Variants in TANC2 observed in about 807,000 individuals in gnomAD.
TANC2 encodes tetratricopeptide repeat, ankyrin repeat and coiled-coil containing 2, also known as protein TANC2.
TANC2 carries 26 observed loss-of-function variants against 210.5 expected under a neutral mutation model. The ratio of observed to expected loss-of-function variants is 0.12; its 90% CI spans 0.09 to 0.17. TANC2 has a LOEUF of 0.17. Among genes scored for constraint, TANC2 ranks in the 10% least tolerant of loss-of-function variants. TANC2 has a pLI of 1.00. For synonymous variants in TANC2, 931 were observed against 967.1 expected (o/e 0.96, Z 0.69); for missense variants, 2,129 against 2,608.9 (o/e 0.82, Z 4.01).
intron 2 of TANC2, among the ~76,000 whole-genome samples, chr17:63,051,109 CCAT>C (rs1385869431): frequency 2.6e-5 from 4 of 152,072 alleles, no homozygotes; most frequent in African/African-American, 9.7e-5. Context: ...TGCATAATGC[CCAT>C]CATTTTCTTC....
intron 5 of TANC2, chr17:63,154,100 C>G (rs1449759319): frequency 6.6e-6 from 1 of 152,112 alleles, no homozygotes; most frequent in Admixed American, 6.6e-5. Flanking sequence ...GGGAAAAATA[C>G]AAGCAAACAG....
intron 4 of TANC2, among the ~76,000 whole-genome samples, chr17:63,141,289 C>A (rs1221453698): frequency 7.0e-6 from 1 of 143,828 alleles, no homozygotes; most frequent in Non-Finnish European, 1.5e-5. Context: ...TGCCTGTAAT[C>A]CCAGCACTTT....
rs2038516890 is a variant in TANC2 at position 63,122,327 on chromosome 17, A to G, written c.322+22970A>G. Among the ~76,000 whole-genome samples, 4 of 152,244 alleles carry G rather than the reference A, an allele frequency of 2.6e-5. 1 individual carries two copies. The South Asian group carries it at 8.3e-4, about 31-fold the overall frequency. On this transcript the variant is annotated intron_variant, in intron 4 of 27. Transcript: ENST00000689528. ...ACCATGTGGAACAAGTAAGTGTTCC[A>G]AGGAGCATGCTTTAGGAAATAACTG...
intron 3 of TANC2, among the ~76,000 whole-genome samples, chr17:63,075,262 A>G (rs1443704803): frequency 1.3e-5 from 2 of 152,186 alleles, no homozygotes; most frequent in Non-Finnish European, 2.9e-5. Context: ...TTAAGTATCA[A>G]ATATAGATGT....
intron 4 of TANC2, among the ~76,000 whole-genome samples, chr17:63,126,806 A>G (rs2145185619): frequency 6.6e-6 from 1 of 152,328 alleles, no homozygotes; most frequent in East Asian, 1.9e-4. Flanking sequence ...AACTGAGGCT[A>G]GAAGTAAGTA....
intron 21 of TANC2, among the ~76,000 whole-genome samples, chr17:63,411,261 A>G (rs965410236): frequency 6.6e-6 from 1 of 152,194 alleles, no homozygotes; most frequent in African/African-American, 2.4e-5. Flanking sequence ...ACAGGTATAG[A>G]GAGTAATTAG....
intron 12 of TANC2, among the ~76,000 whole-genome samples, chr17:63,348,763 T>C (rs969472677): frequency 9.2e-5 from 14 of 152,322 alleles, no homozygotes; most frequent in Admixed American, 5.9e-4. Flanking sequence ...GCTACTGATT[T>C]AAAGTACTAC....
chr17:63,300,057 T>C (rs112688999), intron 9 of TANC2, among the ~76,000 whole-genome samples: 2,416 of 152,338 alleles, frequency 0.016, 37 homozygotes, highest in Non-Finnish European at 0.019. Context: ...CCCTATTGTT[T>C]ATTTTTGTCA....
chr17:63,106,638 T>A (rs955906098), intron 4 of TANC2, among the ~76,000 whole-genome samples: 1 of 151,572 alleles, frequency 6.6e-6, no homozygotes, highest in Non-Finnish European at 1.5e-5. Flanking sequence ...CTGACTAAAG[T>A]TTGGTTAAGG....
chr17:63,310,073 A>G (rs1265526699), intron 9 of TANC2, among the ~76,000 whole-genome samples: 1 of 152,190 alleles, frequency 6.6e-6, no homozygotes, highest in East Asian at 1.9e-4. Context: ...ACTTTCAAAG[A>G]ACAACACTAA....
At chr17:63,051,563 C>G (rs1285520385) in intron 2 of TANC2, among the ~76,000 whole-genome samples, 1 of 152,168 alleles carries the variant, frequency 6.6e-6, no homozygotes, top group Non-Finnish European at 1.5e-5. Flanking sequence ...ATCCATGGAT[C>G]AGTCAAATAT....
At chr17:63,060,192 A>G (rs575922192) in intron 2 of TANC2, among the ~76,000 whole-genome samples, 1 of 152,306 alleles carries the variant, frequency 6.6e-6, no homozygotes, top group South Asian at 2.1e-4. Flanking sequence ...GAATATTACC[A>G]CCACCAATTA....
chr17:63,247,499 T>A (rs1364444662), intron 8 of TANC2, among the ~76,000 whole-genome samples: 3 of 145,948 alleles, frequency 2.1e-5, no homozygotes, highest in African/African-American at 7.8e-5. Context: ...AAAAAAAAAA[T>A]AGAAACAATT....
At chr17:63,068,027 C>G (rs376963233) in intron 2 of TANC2, among the ~76,000 whole-genome samples, 1 of 152,108 alleles carries the variant, frequency 6.6e-6, no homozygotes, top group African/African-American at 2.4e-5. Flanking sequence ...GATCAATCTG[C>G]TGAAGACTAA....
intron 9 of TANC2, among the ~76,000 whole-genome samples, chr17:63,297,808 G>T (rs1362201212): frequency 6.6e-6 from 1 of 152,052 alleles, no homozygotes; most frequent in African/African-American, 2.4e-5. Flanking sequence ...TGCAAATCAT[G>T]TATCTGATAA....
chr17:63,131,846 G>C lies in TANC2; in HGVS notation c.323-19424G>C, dbSNP rs926492446. Among the ~76,000 whole-genome samples the C allele has an allele frequency of 1.9e-4, 29 of 152,094 alleles. 3 individuals are homozygous for C. The highest frequency in any genetic ancestry group is 1.3e-3 in the Admixed American group (20 of 15,284). On this transcript the variant is annotated intron_variant, in intron 4 of 27. Transcript: ENST00000689528. Reference sequence around the variant, plus strand: ...ACTCGCCAGCCTACATGAGCTCCAGGGTTCCATCAAGATTTGAAAGCTATT... The same window carrying C: ...ACTCGCCAGCCTACATGAGCTCCAGCGTTCCATCAAGATTTGAAAGCTATT...
chr17:63,087,345 CT>C (rs1440293916), intron 3 of TANC2, among the ~76,000 whole-genome samples: 4 of 152,200 alleles, frequency 2.6e-5, no homozygotes, highest in Non-Finnish European at 5.9e-5. Context: ...CATCTAAGTA[CT>C]TTGGTAAGTT....
chr17:63,160,795 T>A (rs1344361422), intron 5 of TANC2, among the ~76,000 whole-genome samples: 1 of 152,224 alleles, frequency 6.6e-6, no homozygotes, highest in Non-Finnish European at 1.5e-5. Context: ...TCACCAATAC[T>A]ACATATTTTT....
intron 4 of TANC2, among the ~76,000 whole-genome samples, chr17:63,111,278 G>A (rs1423166094): frequency 6.6e-6 from 1 of 152,192 alleles, no homozygotes; most frequent in Non-Finnish European, 1.5e-5. Flanking sequence ...TAGCACCACT[G>A]ACAGAGTGAG....
Sources: allele counts gnomAD v4.1 joint callset (sites outside exome capture counted in the v4.1 genomes callset), GRCh38; gene constraint gnomAD v4.1.1; transcripts MANE v1.5; gene names NCBI Gene and HGNC (gene_info 2026-07-23, HGNC 2026-07-21).